Variants in GPC5 observed in about 807,000 individuals in gnomAD.
GPC5 encodes glypican 5.
In GPC5, 47 loss-of-function variants were observed where a neutral mutation model predicts 53.9. The observed-to-expected ratio is 0.87, with a 90% CI of 0.69 to 1.11. GPC5 has a LOEUF of 1.11. GPC5 is among the 50% of genes most tolerant of loss of function. The probability of loss-of-function intolerance (pLI) is 0.00; values close to 1 mark genes in which losing one functional copy is unlikely to be tolerated. For synonymous variants in GPC5, 286 were observed against 263.3 expected, an observed-to-expected ratio of 1.09 and a Z score of -0.84; for missense variants, 748 against 713.1, an observed-to-expected ratio of 1.05 and a Z score of -0.56.
At chr13:91,937,532 C>A (rs2039882315) in intron 6 of GPC5, among the ~76,000 whole-genome samples, 1 of 151,958 alleles carries the variant, frequency 6.6e-6, no homozygotes, top group Admixed American at 6.6e-5. Flanking sequence ...TCATGAAGAT[C>A]TATTGACTTA....
intron 7 of GPC5, among the ~76,000 whole-genome samples, chr13:92,237,658 A>C (rs933154720): frequency 1.8e-4 from 28 of 152,188 alleles, no homozygotes; most frequent in Admixed American, 1.0e-3. Flanking sequence ...TTTTTATGGC[A>C]TCTTTGTCGA....
At chr13:92,505,269 T>C (rs1880327376) in intron 7 of GPC5, among the ~76,000 whole-genome samples, 1 of 151,908 alleles carries the variant, frequency 6.6e-6, no homozygotes, top group Non-Finnish European at 1.5e-5. Flanking sequence ...AATCTCAAAA[T>C]GTAGCAGTAA....
At chr13:92,454,765 G>A (rs1358857608) in intron 7 of GPC5, among the ~76,000 whole-genome samples, 1 of 152,026 alleles carries the variant, frequency 6.6e-6, no homozygotes, top group East Asian at 1.9e-4. Context: ...AAAAGTCAGA[G>A]GCATTTGGTG....
intron 2 of GPC5, among the ~76,000 whole-genome samples, chr13:91,470,534 G>T (rs567415472): frequency 1.3e-5 from 2 of 152,232 alleles, no homozygotes; most frequent in East Asian, 3.9e-4. Flanking sequence ...TTGGATTTAG[G>T]TGTATGATTT....
chr13:91,888,705 G>A (rs1383885784), intron 5 of GPC5, among the ~76,000 whole-genome samples: 1 of 152,118 alleles, frequency 6.6e-6, no homozygotes. Flanking sequence ...AAGGAAGGCT[G>A]TATTTTACTC....
intron 6 of GPC5, among the ~76,000 whole-genome samples, chr13:92,112,433 C>G (rs1030205980): frequency 6.6e-6 from 1 of 152,062 alleles, no homozygotes; most frequent in African/African-American, 2.4e-5. Context: ...CTCTTGATAA[C>G]TAATGGAAAA....
chr13:91,522,107 C>A (rs190561836), intron 2 of GPC5, among the ~76,000 whole-genome samples: 1 of 152,346 alleles, frequency 6.6e-6, no homozygotes, highest in African/African-American at 2.4e-5. Context: ...TTTAGCTATT[C>A]GGAACCCTTC....
At chr13:92,372,700 C>CT (rs145924660) in intron 7 of GPC5, among the ~76,000 whole-genome samples, 11,096 of 152,098 alleles carry the variant, frequency 0.073, 701 homozygotes, top group African/African-American at 0.17. Flanking sequence ...TGTAGAGTAT[C>CT]TTTTTTTGTG....
At chr13:91,584,142 C>A (rs745999294) in intron 2 of GPC5, among the ~76,000 whole-genome samples, 1 of 152,042 alleles carries the variant, frequency 6.6e-6, no homozygotes, top group Non-Finnish European at 1.5e-5. Context: ...AAAGAGAGGC[C>A]GCCGAAGAAA....
At chr13:92,784,249 A>T (rs1954723434) in intron 7 of GPC5, among the ~76,000 whole-genome samples, 1 of 152,200 alleles carries the variant, frequency 6.6e-6, no homozygotes, top group African/African-American at 2.4e-5. Context: ...TAATTTTACC[A>T]TAATTCTAGT....
chr13:92,477,200 T>G (rs1879183844), intron 7 of GPC5, among the ~76,000 whole-genome samples: 1 of 152,074 alleles, frequency 6.6e-6, no homozygotes, highest in Non-Finnish European at 1.5e-5. Flanking sequence ...AACTATGGCT[T>G]TATATCTGAG....
At chr13:92,477,010 A>G (rs999504801) in intron 7 of GPC5, among the ~76,000 whole-genome samples, 87 of 150,388 alleles carry the variant, frequency 5.8e-4, no homozygotes, top group Non-Finnish European at 1.1e-3. Context: ...TAACCTGCAC[A>G]ATGTGCACAT....
intron 6 of GPC5, among the ~76,000 whole-genome samples, chr13:92,003,325 C>CAACA (rs2040573654): frequency 1.0e-5 from 1 of 100,204 alleles, no homozygotes; most frequent in Non-Finnish European, 2.1e-5. Flanking sequence ...TGTCTTAACA[C>CAACA]AAAAAAAAAA....
rs66541863 is a variant in GPC5 at position 91,538,825 on chromosome 13, AC to A, written c.325+89907del. 8.6e-3 allele frequency among the ~76,000 whole-genome samples: 1,229 copies of A among 142,468 alleles called. 23 individuals are homozygous for A. The highest frequency in any genetic ancestry group is 0.031 in the African/African-American group (1,189 of 38,958). The allele number at this position is 142,468 out of a possible 152,430, so 93.5% of individuals were successfully genotyped here. On this transcript the variant is annotated intron_variant, in intron 2 of 7. Transcript: ENST00000377067. The stretch of plus-strand genomic sequence containing the variant: ...TCTCGATCTCCTGACCTCATGGTCC[AC>A]CCCGCCCCCCCCTCAGCCTCCCAAA...
At chr13:91,900,585 G>T (rs1306513549) in intron 5 of GPC5, among the ~76,000 whole-genome samples, 2 of 152,008 alleles carry the variant, frequency 1.3e-5, no homozygotes, top group African/African-American at 4.8e-5. Context: ...ATAAATTAAA[G>T]ATTTATTATC....
chr13:91,497,817 G>A (rs1005024093), intron 2 of GPC5, among the ~76,000 whole-genome samples: 1 of 152,106 alleles, frequency 6.6e-6, no homozygotes, highest in African/African-American at 2.4e-5. Flanking sequence ...TTAAATTATC[G>A]TGGGTACATA....
At chr13:92,624,768 C>T (rs1001189609) in intron 7 of GPC5, among the ~76,000 whole-genome samples, 2 of 152,138 alleles carry the variant, frequency 1.3e-5, no homozygotes, top group African/African-American at 2.4e-5. Flanking sequence ...TTCTTCTCTG[C>T]GGGGAGACAT....
rs151219828 is a variant in GPC5 at position 92,150,349 on chromosome 13, A to G, written c.1561+5360A>G. Among the ~76,000 whole-genome samples the G allele has an allele frequency of 3.3e-5, 5 of 152,194 alleles. No individual in the cohort carries two copies. In the East Asian group the frequency reaches 9.6e-4, roughly 29 times the overall value. Reference sequence around the variant, plus strand: ...AATGTTCAAAATTGTAAATACTTTGAAATTACCATCTAGTGCAGTTTTGGT... The same window carrying G: ...AATGTTCAAAATTGTAAATACTTTGGAATTACCATCTAGTGCAGTTTTGGT... On this transcript the variant is annotated intron_variant, in intron 7 of 7. Coordinates refer to ENST00000377067, the MANE Select transcript of GPC5 (RefSeq NM_004466.6).
chr13:92,445,338 A>G, intron 7 of GPC5, among the ~76,000 whole-genome samples: 1 of 136,038 alleles, frequency 7.4e-6, no homozygotes, highest in African/African-American at 2.8e-5. Context: ...ATTATACTTT[A>G]AGTTTTAGGG....
Sources: allele counts gnomAD v4.1 joint callset (sites outside exome capture counted in the v4.1 genomes callset), GRCh38; gene constraint gnomAD v4.1.1; transcripts MANE v1.5; gene names NCBI Gene and HGNC (gene_info 2026-07-23, HGNC 2026-07-21).